Variants in NRG1 observed in about 807,000 individuals in gnomAD.
The protein encoded by NRG1 is pro-neuregulin-1, membrane-bound isoform.
NRG1 carries 18 observed loss-of-function variants against 63.8 expected under a neutral mutation model. That is an observed-to-expected ratio of 0.28 (90% CI 0.19 to 0.42). The LOEUF (loss-of-function observed/expected upper bound fraction) is 0.42, where lower values mean the gene tolerates loss of function less well. Among genes scored for constraint, NRG1 ranks in the 10% least tolerant of loss-of-function variants. The pLI is 1.00. For missense variants in NRG1, 762 were observed against 814.7 expected (o/e 0.94, Z 0.79); for synonymous variants, 302 against 301.3 (o/e 1.00, Z -0.02).
chr8:32,563,118 C>CT (rs1836759997), intron 1 of NRG1, among the ~76,000 whole-genome samples: 2 of 152,190 alleles, frequency 1.3e-5, no homozygotes, highest in Admixed American at 6.5e-5. Flanking sequence ...ACATTATGAG[C>CT]TTTTTTGTGA....
intron 5 of NRG1, among the ~76,000 whole-genome samples, chr8:32,634,988 G>A (rs899789123): frequency 3.9e-5 from 6 of 152,114 alleles, no homozygotes; most frequent in African/African-American, 7.2e-5. Context: ...CATACTGATT[G>A]TAAAGATTAT....
chr8:31,965,521 C>A (rs1374117453), intron 1 of NRG1, among the ~76,000 whole-genome samples: 1 of 152,092 alleles, frequency 6.6e-6, no homozygotes, highest in African/African-American at 2.4e-5. Flanking sequence ...CTGCACCCAG[C>A]CAGATGTCTT....
At chr8:32,722,145 G>GT (rs1286265004) in intron 5 of NRG1, 1 of 1,005,112 alleles carries the variant, frequency 9.9e-7, no homozygotes, top group East Asian at 2.6e-5. Context: ...GAGTTATTTG[G>GT]TTTAATTTTC....
intron 7 of NRG1, among the ~76,000 whole-genome samples, chr8:32,747,274 G>T (rs1484569870): frequency 6.6e-6 from 1 of 151,994 alleles, no homozygotes. Flanking sequence ...TGTAGACATC[G>T]CTTGATTTTA....
At chr8:32,064,974 T>A (rs373132778) in intron 1 of NRG1, among the ~76,000 whole-genome samples, 7 of 152,242 alleles carry the variant, frequency 4.6e-5, no homozygotes, top group Admixed American at 2.0e-4. Flanking sequence ...ACAAGTAAAC[T>A]TGAAGAAACC....
intron 1 of NRG1, among the ~76,000 whole-genome samples, chr8:32,192,969 A>G (rs934737612): frequency 1.3e-5 from 2 of 152,160 alleles, no homozygotes; most frequent in South Asian, 4.1e-4. Context: ...CGTAAGCTCA[A>G]CGGGGAGGAA....
At chr8:31,654,373 T>G (rs7010211) in intron 1 of NRG1, among the ~76,000 whole-genome samples, 4,106 of 152,318 alleles carry the variant, frequency 0.027, 163 homozygotes, top group African/African-American at 0.094. Context: ...AGTAGTCTTT[T>G]GTGCATCTGT....
At chr8:31,785,124 G>C (rs961907610) in intron 1 of NRG1, among the ~76,000 whole-genome samples, 1 of 152,120 alleles carries the variant, frequency 6.6e-6, no homozygotes, top group Non-Finnish European at 1.5e-5. Context: ...GGCAGTGGAG[G>C]TGATGTGGTG....
intron 1 of NRG1, among the ~76,000 whole-genome samples, chr8:32,262,708 G>GCT: frequency 6.6e-6 from 1 of 152,304 alleles, no homozygotes; most frequent in Middle Eastern, 3.4e-3. Flanking sequence ...ACAGGGAAGT[G>GCT]GTTAGAGGTT....
At chr8:32,680,010 A>C (rs1317607244) in intron 5 of NRG1, among the ~76,000 whole-genome samples, 1 of 152,218 alleles carries the variant, frequency 6.6e-6, no homozygotes, top group Non-Finnish European at 1.5e-5. Context: ...CATTTTGTAA[A>C]TTAACCTATG....
chr8:32,454,394 G>T (rs1821343177), intron 1 of NRG1, among the ~76,000 whole-genome samples: 1 of 151,890 alleles, frequency 6.6e-6, no homozygotes, highest in Non-Finnish European at 1.5e-5. Context: ...CTGTTTCGAG[G>T]TTTTTCTTTT....
chr8:32,064,255 A>G (rs1221965459), intron 1 of NRG1, among the ~76,000 whole-genome samples: 1 of 152,142 alleles, frequency 6.6e-6, no homozygotes, highest in Non-Finnish European at 1.5e-5. Context: ...ACATTAAATT[A>G]TAAGAATTAT....
intron 1 of NRG1, among the ~76,000 whole-genome samples, chr8:32,363,174 G>A (rs2129481892): frequency 6.6e-6 from 1 of 152,214 alleles, no homozygotes; most frequent in East Asian, 1.9e-4. Flanking sequence ...CTCATCACAA[G>A]CTGAAAAGTG....
intron 1 of NRG1, among the ~76,000 whole-genome samples, chr8:31,818,362 T>A (rs947885157): frequency 4.6e-5 from 7 of 152,126 alleles, no homozygotes; most frequent in African/African-American, 1.7e-4. Context: ...ACACATTACA[T>A]GAGGGAAATA....
intron 1 of NRG1, among the ~76,000 whole-genome samples, chr8:32,260,762 C>T (rs911154673): frequency 6.6e-6 from 1 of 152,172 alleles, no homozygotes; most frequent in African/African-American, 2.4e-5. Flanking sequence ...TTCATGCTCT[C>T]TGTGACTCAG....
At chr8:31,809,201 T>C (rs554351369) in intron 1 of NRG1, among the ~76,000 whole-genome samples, 4 of 151,704 alleles carry the variant, frequency 2.6e-5, no homozygotes, top group Non-Finnish European at 5.9e-5. Flanking sequence ...TTGCTCATTA[T>C]TCTTGGAGTT....
chr8:32,122,172 C>A lies in NRG1; in HGVS notation c.38-473656C>A, dbSNP rs187103268. On this transcript the variant is annotated intron_variant, in intron 1 of 10. Transcript: ENST00000519301. ...AAATTTCAAAAGCTTTTCTTAATTT[C>A]ACAAAAACAAATATAAATAGTTATG... Among the ~76,000 whole-genome samples the A allele has an allele frequency of 1.2e-4, 19 of 152,010 alleles. 1 individual carries two copies. The highest frequency in any genetic ancestry group is 1.2e-3 in the Admixed American group (18 of 15,240).
At chr8:31,789,909 C>T (rs1488843857) in intron 1 of NRG1, among the ~76,000 whole-genome samples, 1 of 152,098 alleles carries the variant, frequency 6.6e-6, no homozygotes, top group African/African-American at 2.4e-5. Context: ...CAAAGATCTA[C>T]AGAAACAGAT....
chr8:31,921,169 G>A (rs1360530423), intron 1 of NRG1, among the ~76,000 whole-genome samples: 1 of 152,052 alleles, frequency 6.6e-6, no homozygotes, highest in African/African-American at 2.4e-5. Flanking sequence ...TATGTGAAAT[G>A]CATCAATTTT....
Sources: gnomAD v4.1 joint callset for allele counts (sites outside exome capture counted in the v4.1 genomes callset) on GRCh38, gnomAD v4.1.1 for gene constraint, MANE v1.5 for transcripts, NCBI Gene and HGNC (gene_info 2026-07-23, HGNC 2026-07-21) for gene names.